The following PTGES variants were observed in gnomAD, a reference collection of about 807,000 sequenced individuals.
The protein encoded by PTGES is prostaglandin E synthase, also known as MGST1-like 1.
A neutral mutation model predicts 11.8 loss-of-function variants in PTGES; 3 were observed. The observed-to-expected ratio is 0.25, with a 90% CI of 0.12 to 0.66. PTGES has a LOEUF of 0.66. PTGES is among the 30% of genes least tolerant of loss of function. PTGES has a pLI of 0.82. For synonymous variants in PTGES, 94 were observed against 90.4 expected (o/e 1.04, Z -0.22); for missense variants, 180 against 213.0 (o/e 0.85, Z 0.96).
At chr9:129,749,084 G>T (rs1481032159) in intron 1 of PTGES, among the ~76,000 whole-genome samples, 1 of 152,218 alleles carries the variant, frequency 6.6e-6, no homozygotes, top group African/African-American at 2.4e-5. Flanking sequence ...TTTCTCTGAG[G>T]CAGTGACATG....
intron 1 of PTGES, among the ~76,000 whole-genome samples, chr9:129,750,731 G>A (rs563982605): frequency 5.9e-5 from 9 of 152,316 alleles, no homozygotes; most frequent in South Asian, 2.1e-4. Context: ...TTGGTGGGGC[G>A]TTGCATTCTC....
chr9:129,751,751 C>T (rs143469701), intron 1 of PTGES, among the ~76,000 whole-genome samples: 37 of 152,278 alleles, frequency 2.4e-4, no homozygotes, highest in African/African-American at 8.7e-4. Context: ...GCTGTGTGAC[C>T]TTCATAAGTG....
intron 1 of PTGES, among the ~76,000 whole-genome samples, chr9:129,752,410 G>A (rs1347791319): frequency 6.6e-6 from 1 of 152,236 alleles, no homozygotes; most frequent in Non-Finnish European, 1.5e-5. Flanking sequence ...GACGGTGCCC[G>A]GCTGGGAGCT....
rs1564162403 is a variant in PTGES, at chr9:129,743,002, AG to A, written c.210-3143del. Among the ~76,000 whole-genome samples the A allele has an allele frequency of 5.3e-5, 8 of 152,348 alleles. No homozygotes were observed. The South Asian group carries it at 1.7e-3, about 32-fold the overall frequency. ...AGTTGGGGAACACAGGGTGGGAAGG[AG>A]GAACAAGACGGGAAGTTCATGGCAG... On this transcript the variant is annotated intron_variant, in intron 2 of 2. Coordinates refer to ENST00000340607, the MANE Select transcript of PTGES (RefSeq NM_004878.5).
At chr9:129,741,292 A>C (rs1832991754) in intron 2 of PTGES, among the ~76,000 whole-genome samples, 1 of 152,206 alleles carries the variant, frequency 6.6e-6, no homozygotes. Flanking sequence ...CCATGGCTAC[A>C]GTGCGGTGCA....
intron 2 of PTGES, among the ~76,000 whole-genome samples, chr9:129,742,661 C>G (rs1298963558): frequency 6.6e-6 from 1 of 152,070 alleles, no homozygotes; most frequent in Non-Finnish European, 1.5e-5. Flanking sequence ...ATCACGAGGT[C>G]AGGAGATCGA....
Position 129,745,081 on chromosome 9 carries a change from C to T in PTGES, c.209+3574G>A, listed in dbSNP as rs7858280. On this transcript the variant is annotated intron_variant, in intron 2 of 2. Transcript: ENST00000340607. The surrounding 1 kb of genome is among the most constrained non-coding windows in gnomAD (Gnocchi z 4.2). ...ACTTCTAGGGCTGACATTTTGGGAC[C>T]CAATTTCCTGACAAATCAGTTCACT... Among the ~76,000 whole-genome samples the T allele has an allele frequency of 1.5e-4, 23 of 152,076 alleles. No homozygotes were observed. The highest frequency in any genetic ancestry group is 5.5e-4 in the African/African-American group (23 of 41,488).
chr9:129,744,103 C>T (rs536578820), intron 2 of PTGES, among the ~76,000 whole-genome samples: 1 of 152,318 alleles, frequency 6.6e-6, no homozygotes, highest in East Asian at 1.9e-4. Context: ...CCCGCCTCAG[C>T]CTCCCAAAGT....
intron 2 of PTGES, among the ~76,000 whole-genome samples, chr9:129,746,073 G>A (rs143517340): frequency 2.6e-5 from 4 of 151,310 alleles, no homozygotes; most frequent in African/African-American, 7.3e-5. Context: ...GAAATGTCTC[G>A]GCGCCACCCG....
intron 1 of PTGES, 81 bp from the exon 2 acceptor site, chr9:129,748,818 G>A: frequency 8.4e-7 from 1 of 1,197,184 alleles, no homozygotes; most frequent in Non-Finnish European, 1.2e-6. Context: ...CATGACCAGA[G>A]TTCACAGTGG....
chr9:129,741,764 C>T (rs1439210640), intron 2 of PTGES, among the ~76,000 whole-genome samples: 1 of 151,940 alleles, frequency 6.6e-6, no homozygotes, highest in Non-Finnish European at 1.5e-5. Flanking sequence ...AATTAGCCAG[C>T]CATGGTGGTG....
chr9:129,748,570 C>T, intron 2 of PTGES, 85 bp downstream of exon 2: 1 of 1,119,172 alleles, frequency 8.9e-7, no homozygotes, highest in Non-Finnish European at 1.2e-6. Context: ...CCCTGGGAGT[C>T]CTCCAAGTCC....
chr9:129,748,083 C>T (rs1255673725), intron 2 of PTGES, among the ~76,000 whole-genome samples: 1 of 150,148 alleles, frequency 6.7e-6, no homozygotes, highest in South Asian at 2.1e-4. Context: ...GCCCAAATGC[C>T]CATCGCAGGG....
chr9:129,741,564 G>A (rs1832994926), intron 2 of PTGES, among the ~76,000 whole-genome samples: 1 of 152,212 alleles, frequency 6.6e-6, no homozygotes, highest in African/African-American at 2.4e-5. Flanking sequence ...TGGCCTGCCT[G>A]TGTCTGTCAG....
At chr9:129,747,909 C>A (rs1833062761) in intron 2 of PTGES, among the ~76,000 whole-genome samples, 1 of 146,768 alleles carries the variant, frequency 6.8e-6, no homozygotes, top group Non-Finnish European at 1.5e-5. Flanking sequence ...ACTTGGGAGG[C>A]TGAGGCAGGA....
intron 2 of PTGES, among the ~76,000 whole-genome samples, chr9:129,740,323 T>A (rs944913295): frequency 1.3e-5 from 2 of 152,182 alleles, no homozygotes; most frequent in Non-Finnish European, 2.9e-5. Context: ...AGGGCAGGGC[T>A]TCTCTGAGTC....
intron 1 of PTGES, 47 bp downstream of exon 1, chr9:129,752,840 G>A: frequency 1.2e-6 from 2 of 1,613,414 alleles, no homozygotes; most frequent in Non-Finnish European, 1.7e-6. Context: ...AGGACGTGGA[G>A]AGAAGCAAGT....
At chr9:129,747,005 T>C (rs992264975) in intron 2 of PTGES, among the ~76,000 whole-genome samples, 2 of 152,208 alleles carry the variant, frequency 1.3e-5, no homozygotes, top group Admixed American at 1.3e-4. Flanking sequence ...CTCCGCCTCC[T>C]GGGTTCATGC....
chr9:129,743,637 G>A (rs1178533687), intron 2 of PTGES, among the ~76,000 whole-genome samples: 1 of 152,182 alleles, frequency 6.6e-6, no homozygotes, highest in African/African-American at 2.4e-5. Context: ...CAGCCCTGCT[G>A]GCATCCACGG....
Sources: allele counts gnomAD v4.1 joint callset (sites outside exome capture counted in the v4.1 genomes callset), GRCh38; gene constraint gnomAD v4.1.1; non-coding constraint Gnocchi (gnomAD v3.1); transcripts MANE v1.5; gene names NCBI Gene and HGNC (gene_info 2026-07-23, HGNC 2026-07-21).